PFDN5: variants seen among roughly 807,000 people sequenced by gnomAD.
The protein encoded by PFDN5 is prefoldin subunit 5, also known as c-myc binding protein.
A neutral mutation model predicts 21.5 loss-of-function variants in PFDN5; 13 were observed. The ratio of observed to expected loss-of-function variants is 0.60; its 90% CI spans 0.39 to 0.96. The LOEUF is 0.96. PFDN5 is among the 40% of genes least tolerant of loss of function. The pLI is 0.00. For synonymous variants in PFDN5, 84 were observed against 68.9 expected (o/e 1.22, Z -1.08); for missense variants, 188 against 186.2 (o/e 1.01, Z -0.06).
chr12:53,297,087 A>G (rs576732983), intron 3 of PFDN5: 3 of 152,984 alleles, frequency 2.0e-5, no homozygotes, highest in Admixed American at 1.3e-4. Flanking sequence ...CAGAACTGAC[A>G]GGCTAAAAGG....
intron 1 of PFDN5, 40 bp from the exon 2 acceptor site, chr12:53,295,799 C>A: frequency 7.4e-7 from 1 of 1,359,098 alleles, no homozygotes; most frequent in Non-Finnish European, 1.1e-6. Flanking sequence ...CCTTTCTCCC[C>A]TTAGTCCTCT....
intron 3 of PFDN5, chr12:53,297,522 G>A (rs541958751): frequency 4.5e-6 from 1 of 222,520 alleles, no homozygotes; most frequent in East Asian, 1.1e-4. Flanking sequence ...CTTTTTACTT[G>A]TAGTACTCTA....
chr12:53,299,186 G>A, intron 5 of PFDN5, 83 bp from the exon 6 acceptor site: 1 of 843,412 alleles, frequency 1.2e-6, no homozygotes, highest in South Asian at 1.4e-5. Flanking sequence ...TCGGTCGCCT[G>A]TCCTTAAACT....
At chr12:53,297,419 ACT>A (rs1425862894) in intron 3 of PFDN5, 3 of 177,192 alleles carry the variant, frequency 1.7e-5, no homozygotes, top group South Asian at 1.0e-4. Context: ...ATAGAGCGAG[ACT>A]CTGTCTCAGA....
Position 53,295,621 on chromosome 12 carries a change from C to G in PFDN5, c.54C>G (p.Leu18=), listed in dbSNP as rs946798399. 6.2e-7 allele frequency: 1 copy of G among 1,613,998 alleles called. No homozygotes were observed. Among genetic ancestry groups the G allele is most frequent in the Non-Finnish European group, 8.5e-7 (1 of 1,179,832 alleles). ...TGAATCTGCCGCAGCTAGAAATGCT[C>G]AAGAACCAGCTGGACCAGGTGGGGA... ...TELNLPQLEM[L]KNQLDQEVEF... is the part of the protein sequence containing the mutation. The change falls in exon 1 of 6, where the codon CTC becomes CTG. Residue 18 remains leucine (L), a synonymous_variant. Coordinates refer to ENST00000334478, the MANE Select transcript of PFDN5 (RefSeq NM_002624.4).
At chr12:53,295,802 A>T in intron 1 of PFDN5, 37 bp from the exon 2 acceptor site, 1 of 1,355,970 alleles carries the variant, frequency 7.4e-7, no homozygotes, top group Non-Finnish European at 1.1e-6. Context: ...TTCTCCCCTT[A>T]GTCCTCTCAT....
intron 5 of PFDN5, chr12:53,298,413 C>T: frequency 2.6e-6 from 1 of 378,458 alleles, no homozygotes; most frequent in African/African-American, 2.0e-5. Flanking sequence ...GAGATGAACA[C>T]ACAGGAAGGA....
At chr12:53,297,670 A>G (rs374414128) in intron 3 of PFDN5, 180 bp from the exon 4 acceptor site, 45 of 594,576 alleles carry the variant, frequency 7.6e-5, no homozygotes, top group East Asian at 5.7e-4. Flanking sequence ...TAAAGAACCA[A>G]CTTCTCTGTC....
At chr12:53,296,516 C>G (rs1944153493) in intron 3 of PFDN5, 2 of 624,458 alleles carry the variant, frequency 3.2e-6, no homozygotes, top group Non-Finnish European at 5.7e-6. Flanking sequence ...TCAAGAGATT[C>G]TTCTGCCTCA....
In PFDN5 at chr12:53,299,323, C is replaced by G. The variant is rs753908689; in HGVS notation, c.443C>G (p.Ala148Gly). The change falls in exon 6 of 6, where the codon GCT becomes GGT. Residue 148 changes from alanine to glycine, a missense_variant. By Grantham distance (60) the Ala-to-Gly change is moderately conservative. Coordinates refer to ENST00000334478, the MANE Select transcript of PFDN5 (RefSeq NM_002624.4). Reference protein sequence around the residue: ...KIQQLTALGAAQATAKA With the variant: ...KIQQLTALGAGQATAKA ...CAGCAGCTCACAGCCCTGGGGGCAG[C>G]TCAGGCTACTGCTAAGGCCTGAGAG... The G allele has an allele frequency of 1.9e-6, 3 of 1,611,350 alleles. No individual in the cohort carries two copies. The highest frequency in any genetic ancestry group is 2.7e-5 in the African/African-American group (2 of 74,876).
rs200594035 is a variant in PFDN5 at position 53,295,606 on chromosome 12, G to T, written c.39G>T (p.Pro13=). Residue 13 remains proline, a synonymous_variant, in exon 1 of 6, where the codon CCG becomes CCT. Coordinates refer to ENST00000334478, the MANE Select transcript of PFDN5 (RefSeq NM_002624.4). ...QSINITELNL[P]QLEMLKNQLD... ...TTAACATCACGGAGCTGAATCTGCCGCAGCTAGAAATGCTCAAGAACCAGC... is the reference window on the plus strand; with the variant it reads ...TTAACATCACGGAGCTGAATCTGCCTCAGCTAGAAATGCTCAAGAACCAGC... 2.1e-4 allele frequency: 332 copies of T among 1,613,908 alleles called. 1 individual carries two copies. The highest frequency in any genetic ancestry group is 1.7e-4 in the Admixed American group (10 of 60,000).
intron 3 of PFDN5, chr12:53,297,534 A>G: frequency 5.1e-6 from 1 of 196,484 alleles, no homozygotes; most frequent in South Asian, 3.7e-5. Context: ...AGTACTCTAC[A>G]ACAGTAGGAA....
At chr12:53,298,837 TAA>T (rs891329542) in intron 5 of PFDN5, 5 of 174,058 alleles carry the variant, frequency 2.9e-5, no homozygotes, top group African/African-American at 1.2e-4. Context: ...ATCACTGAGT[TAA>T]AGTTTTATTA....
chr12:53,296,157 G>T, intron 2 of PFDN5, 87 bp from the exon 3 acceptor site: 1 of 1,129,484 alleles, frequency 8.9e-7, no homozygotes, highest in Non-Finnish European at 1.3e-6. Flanking sequence ...ACTGTCTGTG[G>T]GTGCTGTGCC....
rs761374741 is a variant in PFDN5 at position 53,297,919 on chromosome 12, G to A, written c.277G>A (p.Glu93Lys). Residue 93 changes from glutamate to lysine, a missense_variant, in exon 4 of 6, where the codon GAG (glutamate) becomes AAG (lysine). Transcript: ENST00000334478. Reference protein sequence around the residue: ...LIDVGTGYYVEKTAEDAKDFF... With the variant: ...LIDVGTGYYVKKTAEDAKDFF... ...CGATGTGGGAACTGGGTACTATGTA[G>A]AGAAGGTGAGTGAGAGCATGTGGAT... 5.6e-6 allele frequency: 9 copies of A among 1,612,026 alleles called. No homozygotes were observed. Among genetic ancestry groups the A allele is most frequent in the Admixed American group, 1.7e-5 (1 of 60,000 alleles).
intron 5 of PFDN5, 173 bp from the exon 6 acceptor site, chr12:53,299,096 A>G (rs912747309): frequency 9.0e-6 from 4 of 443,964 alleles, no homozygotes; most frequent in South Asian, 6.4e-5. Flanking sequence ...AGATCGTGCC[A>G]CTGCACTCCA....
intron 3 of PFDN5, 75 bp downstream of exon 3, chr12:53,296,350 G>A (rs1408397243): frequency 5.9e-5 from 61 of 1,038,210 alleles, no homozygotes; most frequent in Non-Finnish European, 9.1e-5. Flanking sequence ...CGGGGAGGGG[G>A]ATTGTTTTGA....
chr12:53,299,136 CA>C (rs5798261), intron 5 of PFDN5, 132 bp from the exon 6 acceptor site: 11,208 of 350,392 alleles, frequency 0.032, 15 homozygotes, highest in South Asian at 0.038. Flanking sequence ...GATTCTGTCT[CA>C]AAAAAAAAAA....
intron 3 of PFDN5, 160 bp from the exon 4 acceptor site, chr12:53,297,690 T>G: frequency 1.6e-6 from 1 of 613,998 alleles, no homozygotes. Context: ...CTTCTTTCCA[T>G]TTGGAGTTAT....
Sources: gnomAD v4.1 joint callset for allele counts on GRCh38, gnomAD v4.1.1 for gene constraint, MANE v1.5 for transcripts, NCBI Gene and HGNC (gene_info 2026-07-23, HGNC 2026-07-21) for gene names.